The following SPOPL variants were observed in gnomAD, a reference collection of about 807,000 sequenced individuals.
SPOPL encodes the protein speckle-type POZ protein-like.
A neutral mutation model predicts 53.8 loss-of-function variants in SPOPL; 23 were observed. That is an observed-to-expected ratio of 0.43 (90% CI 0.31 to 0.61). The LOEUF (loss-of-function observed/expected upper bound fraction) is 0.61. Ranked by LOEUF, SPOPL falls within the 20% of genes least tolerant of loss-of-function variation. The pLI, the probability that SPOPL is intolerant of heterozygous loss-of-function variation, is 0.12. For synonymous variants in SPOPL, 164 were observed against 149.7 expected (o/e 1.10, Z -0.70); for missense variants, 442 against 466.9 (o/e 0.95, Z 0.49).
chr2:138,544,902 G>T (rs1685158217), intron 1 of SPOPL, among the ~76,000 whole-genome samples: 1 of 152,192 alleles, frequency 6.6e-6, no homozygotes, highest in South Asian at 2.1e-4. Context: ...TCAAGCATGT[G>T]TTTGCCCCTG....
At position 138,564,733 on chromosome 2, in the gene SPOPL, T is replaced by G; in HGVS notation, c.863T>G (p.Met288Arg). 2 of 1,614,174 alleles carry G rather than the reference T, an allele frequency of 1.2e-6. No homozygotes were observed. The highest frequency in any genetic ancestry group is 2.2e-5 in the South Asian group (2 of 91,088). The change falls in exon 9 of 11, where the codon ATG (methionine) becomes AGG (arginine). Residue 288 changes from methionine (M) to arginine (R), a missense_variant. Coordinates refer to ENST00000280098, the MANE Select transcript of SPOPL (RefSeq NM_001001664.3). ...TATGCACTGGAACGGCTGAAGGTCA[T>G]GTGCGAAGAAGCTTTGTGTAGTAAC... ...DKYALERLKV[M>R]CEEALCSNLS...
intron 10 of SPOPL, among the ~76,000 whole-genome samples, 187 bp downstream of exon 10, chr2:138,565,180 C>T (rs935640417): frequency 3.3e-5 from 5 of 152,200 alleles, no homozygotes; most frequent in Non-Finnish European, 4.4e-5. Context: ...AGGTCAGCTT[C>T]TAATGCAACC....
intron 10 of SPOPL, among the ~76,000 whole-genome samples, chr2:138,568,560 A>T (rs1206841439): frequency 6.6e-6 from 1 of 152,098 alleles, no homozygotes; most frequent in Non-Finnish European, 1.5e-5. Flanking sequence ...AGAATTAGTA[A>T]TGCATGTTAA....
At chr2:138,555,790 G>T (rs1028008576) in intron 5 of SPOPL, among the ~76,000 whole-genome samples, 1 of 152,112 alleles carries the variant, frequency 6.6e-6, no homozygotes, top group African/African-American at 2.4e-5. Flanking sequence ...TGTTCTCTGA[G>T]TTGAGCCAAA....
chr2:138,534,573 T>G (rs770336907), intron 1 of SPOPL, among the ~76,000 whole-genome samples: 1 of 152,206 alleles, frequency 6.6e-6, no homozygotes, highest in Non-Finnish European at 1.5e-5. Context: ...GCATATGGAC[T>G]TCTATGTGCA....
At chr2:138,538,440 A>C (rs1467995408) in intron 1 of SPOPL, among the ~76,000 whole-genome samples, 1 of 152,156 alleles carries the variant, frequency 6.6e-6, no homozygotes, top group East Asian at 1.9e-4. Context: ...TGACCCTTTT[A>C]TCAATAGATA....
rs1222434665 is a variant in SPOPL, at chr2:138,551,750, C to T, written c.352+696C>T. 4.6e-5 allele frequency among the ~76,000 whole-genome samples: 7 copies of T among 152,036 alleles called. No individual in the cohort carries two copies. In the East Asian group the frequency reaches 9.7e-4, roughly 21 times the overall value. ...TAATATATATTTTCACATTGTCTCACCTTAAGATAGTGGAGTATTTCAGGT... is the reference window on the plus strand; with the variant it reads ...TAATATATATTTTCACATTGTCTCATCTTAAGATAGTGGAGTATTTCAGGT... On this transcript the variant is annotated intron_variant, in intron 4 of 10. Transcript: ENST00000280098.
At chr2:138,502,486 C>T (rs1684125827) in intron 1 of SPOPL, among the ~76,000 whole-genome samples, 1 of 152,186 alleles carries the variant, frequency 6.6e-6, no homozygotes, top group South Asian at 2.1e-4. Flanking sequence ...CCCTTTTTAC[C>T]TGAGTGCTGC....
intron 1 of SPOPL, among the ~76,000 whole-genome samples, chr2:138,522,287 A>C (rs1684575933): frequency 6.6e-6 from 1 of 152,344 alleles, no homozygotes; most frequent in Non-Finnish European, 1.5e-5. Flanking sequence ...AGTGTCATGT[A>C]ATTCAACCTG....
chr2:138,528,038 C>G (rs557628589), intron 1 of SPOPL, among the ~76,000 whole-genome samples: 1 of 152,288 alleles, frequency 6.6e-6, no homozygotes, highest in South Asian at 2.1e-4. Flanking sequence ...GCATCTCATT[C>G]CTAATGTCTG....
intron 1 of SPOPL, among the ~76,000 whole-genome samples, chr2:138,523,430 G>C (rs1361852621): frequency 6.6e-6 from 1 of 151,888 alleles, no homozygotes; most frequent in Non-Finnish European, 1.5e-5. Context: ...TCTGCCCCTG[G>C]CCCCTCTCAA....
chr2:138,566,454 T>G (rs2104907785), intron 10 of SPOPL, among the ~76,000 whole-genome samples: 1 of 152,314 alleles, frequency 6.6e-6, no homozygotes, highest in East Asian at 1.9e-4. Context: ...CATCAATAGA[T>G]ATTTATTAAT....
intron 1 of SPOPL, among the ~76,000 whole-genome samples, chr2:138,534,974 G>C (rs927124816): frequency 1.3e-5 from 2 of 152,122 alleles, no homozygotes; most frequent in African/African-American, 4.8e-5. Context: ...TGTGTGACCA[G>C]GCTTAATGGC....
At chr2:138,544,886 C>T (rs922392900) in intron 1 of SPOPL, among the ~76,000 whole-genome samples, 20 of 152,190 alleles carry the variant, frequency 1.3e-4, no homozygotes, top group African/African-American at 4.8e-4. Context: ...CACCCCCCAC[C>T]TGTTTTCAAG....
chr2:138,541,179 A>T (rs1165200623), intron 1 of SPOPL, among the ~76,000 whole-genome samples: 1 of 152,178 alleles, frequency 6.6e-6, no homozygotes, highest in Non-Finnish European at 1.5e-5. Flanking sequence ...ATCAATGTTC[A>T]TCAGGGATAG....
intron 1 of SPOPL, among the ~76,000 whole-genome samples, chr2:138,527,893 G>A (rs1450554191): frequency 1.3e-5 from 2 of 152,312 alleles, no homozygotes; most frequent in East Asian, 3.9e-4. Flanking sequence ...GTGTCTCAAC[G>A]TGATGACTTC....
At chr2:138,520,898 C>G (rs1347217112) in intron 1 of SPOPL, among the ~76,000 whole-genome samples, 2 of 152,104 alleles carry the variant, frequency 1.3e-5, no homozygotes, top group Non-Finnish European at 2.9e-5. Flanking sequence ...AATCCTAATA[C>G]TGTATAAGAC....
intron 4 of SPOPL, among the ~76,000 whole-genome samples, chr2:138,551,475 C>T (rs1007012012): frequency 2.0e-5 from 3 of 151,890 alleles, no homozygotes; most frequent in Admixed American, 6.6e-5. Flanking sequence ...GTTTTTTGAG[C>T]AGTAGATTGA....
In SPOPL at chr2:138,552,567, A is replaced by C. The variant is rs753988490; in HGVS notation, c.366A>C (p.Ala122=). The change falls in exon 5 of 11, where the codon GCA becomes GCC. Residue 122 remains alanine (A), a synonymous_variant. Transcript: ENST00000280098. The part of the protein sequence containing the change: ...EETKAMESQR[A]YRFVQGKDWG... ...GTTTTCCACCAGAAAGCCAAAGAGC[A>C]TATCGATTTGTGCAAGGGAAGGACT... is the stretch of plus-strand genomic sequence containing the variant. 1.2e-6 allele frequency: 2 copies of C among 1,610,530 alleles called. No homozygotes were observed. The highest frequency in any genetic ancestry group is 8.5e-7 in the Non-Finnish European group (1 of 1,178,588).
Sources: gnomAD v4.1 joint callset for allele counts (sites outside exome capture counted in the v4.1 genomes callset) on GRCh38, gnomAD v4.1.1 for gene constraint, MANE v1.5 for transcripts, NCBI Gene and HGNC (gene_info 2026-07-23, HGNC 2026-07-21) for gene names.